The following MSH3 variants were observed in gnomAD, a reference collection of about 807,000 sequenced individuals.
The protein encoded by MSH3 is mutS homolog 3.
Under a neutral mutation model 123.3 loss-of-function variants are expected in MSH3, and 106 were observed. The observed-to-expected ratio is 0.86, with a 90% CI of 0.73 to 1.01. The LOEUF is 1.01. MSH3 is among the 50% of genes least tolerant of loss of function. The pLI is 0.00. For missense variants in MSH3, 1,459 were observed against 1,347.6 expected (o/e 1.08, Z -1.29); for synonymous variants, 515 against 481.4 (o/e 1.07, Z -0.91).
At chr5:80,669,762 A>C (rs1274980471) in intron 3 of MSH3, among the ~76,000 whole-genome samples, 5 of 152,212 alleles carry the variant, frequency 3.3e-5, no homozygotes, top group African/African-American at 1.2e-4. Flanking sequence ...TACACACCTT[A>C]GAATAAATAA....
At chr5:80,708,466 A>ATT (rs6151702) in intron 8 of MSH3, among the ~76,000 whole-genome samples, 3 of 151,262 alleles carry the variant, frequency 2.0e-5, no homozygotes, top group Admixed American at 6.6e-5. Flanking sequence ...TTATTTATTT[A>ATT]TTTTTTTTAG....
chr5:80,836,475 A>C (rs995593126), intron 20 of MSH3, among the ~76,000 whole-genome samples: 3 of 150,028 alleles, frequency 2.0e-5, no homozygotes, highest in African/African-American at 7.4e-5. Context: ...AGATGATTCC[A>C]GTATAATGGA....
chr5:80,768,240 T>C lies in MSH3; in HGVS notation c.2084+120T>C, dbSNP rs562341326. Reference sequence around the variant, plus strand: ...ATAATAGAAGTTGCATGAGTACATATATAATTAGAAATGTGATTGGACCCT... The same window carrying C: ...ATAATAGAAGTTGCATGAGTACATACATAATTAGAAATGTGATTGGACCCT... On this transcript the variant is annotated intron_variant, in intron 14 of 23. Coordinates refer to ENST00000265081, the MANE Select transcript of MSH3 (RefSeq NM_002439.5). The C allele has an allele frequency of 8.5e-6, 8 of 946,730 alleles. No individual in the cohort carries two copies. In the South Asian group the frequency reaches 8.5e-5, roughly 10 times the overall value. 58.6% of individuals were successfully genotyped at this position (946,730 alleles called of 1,614,324 possible). A position where few individuals can be genotyped will look rare whatever the true frequency, so the allele number is the denominator to read the frequency against.
chr5:80,762,694 A>G (rs890435484), intron 13 of MSH3, among the ~76,000 whole-genome samples: 5 of 151,450 alleles, frequency 3.3e-5, no homozygotes, highest in African/African-American at 4.8e-5. Flanking sequence ...TGCCAATTTA[A>G]TAATTTTACT....
At chr5:80,794,866 G>A (rs899377682) in intron 19 of MSH3, among the ~76,000 whole-genome samples, 1 of 152,198 alleles carries the variant, frequency 6.6e-6, no homozygotes, top group Non-Finnish European at 1.5e-5. Context: ...CCCTAAAGAA[G>A]AGCTTCTGAA....
At chr5:80,669,992 A>T in intron 3 of MSH3, 105 bp from the exon 4 acceptor site, 1 of 1,009,830 alleles carries the variant, frequency 9.9e-7, no homozygotes, top group Non-Finnish European at 1.5e-6. Context: ...CTTTTCATCT[A>T]GATTCACTAA....
At chr5:80,656,651 T>A in intron 2 of MSH3, 120 bp downstream of exon 2, 1 of 1,402,996 alleles carries the variant, frequency 7.1e-7, no homozygotes, top group Non-Finnish European at 9.9e-7. Context: ...AGGTCCCTTT[T>A]GTTCCTGAGC....
At chr5:80,815,077 C>T (rs921128041) in intron 20 of MSH3, among the ~76,000 whole-genome samples, 3 of 152,136 alleles carry the variant, frequency 2.0e-5, no homozygotes, top group Non-Finnish European at 4.4e-5. Flanking sequence ...ACTGTGGAAT[C>T]ACATCAGAAT....
At chr5:80,667,483 G>A (rs4704676) in intron 3 of MSH3, among the ~76,000 whole-genome samples, 18,893 of 152,190 alleles carry the variant, frequency 0.12, 1,651 homozygotes, top group East Asian at 0.33. Flanking sequence ...GGCCTGCTGG[G>A]CTCATTCCTC....
chr5:80,800,547 A>G (rs1289595942), intron 19 of MSH3, among the ~76,000 whole-genome samples: 2 of 152,222 alleles, frequency 1.3e-5, no homozygotes, highest in African/African-American at 4.8e-5. Flanking sequence ...AGCACATTAG[A>G]TGAGTGAAAT....
chr5:80,861,349 C>CA (rs1363893241), intron 21 of MSH3, among the ~76,000 whole-genome samples: 1 of 152,146 alleles, frequency 6.6e-6, no homozygotes, highest in African/African-American at 2.4e-5. Flanking sequence ...ACCTCCCTCC[C>CA]ACCCCTCAGG....
chr5:80,733,596 A>AATAT (rs113921589), intron 10 of MSH3, among the ~76,000 whole-genome samples: 15,317 of 150,256 alleles, frequency 0.1, 1,011 homozygotes, highest in East Asian at 0.33. Context: ...TTGTATCTAG[A>AATAT]ATATATATAT....
At chr5:80,660,163 C>T (rs1334212336) in intron 2 of MSH3, among the ~76,000 whole-genome samples, 1 of 150,716 alleles carries the variant, frequency 6.6e-6, no homozygotes, top group Non-Finnish European at 1.5e-5. Flanking sequence ...GGGGAGGCCT[C>T]AGAAACATTG....
chr5:80,706,218 A>G (rs1434419713), intron 8 of MSH3, among the ~76,000 whole-genome samples: 9 of 152,204 alleles, frequency 5.9e-5, no homozygotes, highest in Admixed American at 5.2e-4. Context: ...GAAAAATGTT[A>G]GTTTAGAAAG....
At chr5:80,659,162 A>G (rs1048441889) in intron 2 of MSH3, among the ~76,000 whole-genome samples, 3 of 151,780 alleles carry the variant, frequency 2.0e-5, no homozygotes, top group Admixed American at 6.6e-5. Context: ...TGAGTCTGGA[A>G]GGTGGAGGTT....
chr5:80,837,857 G>A (rs1745544377), intron 20 of MSH3, among the ~76,000 whole-genome samples: 1 of 152,182 alleles, frequency 6.6e-6, no homozygotes, highest in Non-Finnish European at 1.5e-5. Context: ...CTTGAGTCAG[G>A]ACTAGAGATG....
At chr5:80,744,691 T>A in intron 12 of MSH3, 76 bp downstream of exon 12, 2 of 1,026,556 alleles carry the variant, frequency 1.9e-6, no homozygotes, top group Non-Finnish European at 3.0e-6. Context: ...AAAACCAAGG[T>A]TACCATTGTT....
chr5:80,794,120 TAAG>T (rs1744654329), intron 19 of MSH3, among the ~76,000 whole-genome samples: 1 of 152,218 alleles, frequency 6.6e-6, no homozygotes, highest in African/African-American at 2.4e-5. Context: ...CTCTGGTCCT[TAAG>T]AAGACAATTC....
chr5:80,792,963 G>A (rs538642469), intron 19 of MSH3, 119 bp downstream of exon 19: 5 of 682,110 alleles, frequency 7.3e-6, no homozygotes, highest in Admixed American at 2.5e-5. Context: ...AATGGGCTAA[G>A]CCTGGACATA....
Sources: allele counts gnomAD v4.1 joint callset (sites outside exome capture counted in the v4.1 genomes callset), GRCh38; gene constraint gnomAD v4.1.1; transcripts MANE v1.5; gene names NCBI Gene and HGNC (gene_info 2026-07-23, HGNC 2026-07-21).